The following PGM5 variants were observed in gnomAD, a reference collection of about 807,000 sequenced individuals.
PGM5 encodes phosphoglucomutase-like protein 5.
Under a neutral mutation model 59.2 loss-of-function variants are expected in PGM5, and 23 were observed. The observed-to-expected ratio is 0.39, with a 90% CI of 0.28 to 0.55. The LOEUF (loss-of-function observed/expected upper bound fraction) is 0.55. Ranked by LOEUF, PGM5 falls within the 20% of genes least tolerant of loss-of-function variation. The pLI is 0.66. For missense variants in PGM5, 574 were observed against 748.3 expected (o/e 0.77, Z 2.72); for synonymous variants, 214 against 286.0 (o/e 0.75, Z 2.54).
intron 1 of PGM5, among the ~76,000 whole-genome samples, chr9:68,362,800 A>G (rs1301579872): frequency 3.3e-5 from 5 of 150,428 alleles, no homozygotes; most frequent in African/African-American, 1.2e-4. Flanking sequence ...TTCTTAAATC[A>G]TCTTCAATAT....
At chr9:68,487,925 C>T (rs1287739135) in intron 9 of PGM5, among the ~76,000 whole-genome samples, 1 of 151,862 alleles carries the variant, frequency 6.6e-6, no homozygotes, top group Non-Finnish European at 1.5e-5. Flanking sequence ...AGCTATTCAA[C>T]CCCCCTACAC....
intron 10 of PGM5, among the ~76,000 whole-genome samples, chr9:68,511,710 C>G (rs1194918280): frequency 6.6e-6 from 1 of 151,650 alleles, no homozygotes; most frequent in Non-Finnish European, 1.5e-5. Context: ...GTCACCATGC[C>G]TGGCTAATTT....
At chr9:68,400,956 C>T (rs2778531) in intron 6 of PGM5, among the ~76,000 whole-genome samples, 2,547 of 152,290 alleles carry the variant, frequency 0.017, 34 homozygotes, top group Non-Finnish European at 0.027. Flanking sequence ...ATTTACAAGA[C>T]GCATAAGGTG....
At chr9:68,497,361 T>C (rs1824497847) in intron 9 of PGM5, 1 of 152,220 alleles carries the variant, frequency 6.6e-6, no homozygotes, top group African/African-American at 2.4e-5. Flanking sequence ...GATAATATCA[T>C]CCTGTCTGCA....
intron 1 of PGM5, among the ~76,000 whole-genome samples, chr9:68,376,159 C>T (rs1292775832): frequency 6.6e-6 from 1 of 152,156 alleles, no homozygotes; most frequent in Non-Finnish European, 1.5e-5. Context: ...TTAATAGGAC[C>T]ATTTGGGCTG....
At chr9:68,403,423 C>T (rs1250325110) in intron 6 of PGM5, among the ~76,000 whole-genome samples, 8 of 152,068 alleles carry the variant, frequency 5.3e-5, no homozygotes, top group South Asian at 2.1e-4. Context: ...GGAATGTTCT[C>T]GAATCATCCC....
At chr9:68,459,534 A>G (rs1823827109) in intron 6 of PGM5, among the ~76,000 whole-genome samples, 1 of 152,182 alleles carries the variant, frequency 6.6e-6, no homozygotes, top group African/African-American at 2.4e-5. Context: ...ATCTAATGGC[A>G]GGCAGTTCAT....
At chr9:68,369,417 C>T (rs1190573694) in intron 1 of PGM5, among the ~76,000 whole-genome samples, 3 of 152,176 alleles carry the variant, frequency 2.0e-5, no homozygotes, top group African/African-American at 4.8e-5. Flanking sequence ...TAGCTCTTAT[C>T]CAGCTGGGGT....
At chr9:68,382,793 G>A (rs767040497) in intron 2 of PGM5, among the ~76,000 whole-genome samples, 20 of 151,776 alleles carry the variant, frequency 1.3e-4, no homozygotes, top group Non-Finnish European at 3.0e-4. Context: ...GAAGTTATCA[G>A]CATGGATGGT....
rs371118498 is a variant in PGM5, at chr9:68,465,120, A to G, written c.1071A>G (p.Val357=). The G allele has an allele frequency of 7.1e-5, 115 of 1,611,310 alleles. No individual in the cohort carries two copies. The highest frequency in any genetic ancestry group is 9.4e-5 in the Non-Finnish European group (111 of 1,177,552). ...DRVAKSMKVP[V]YETPAGWRFF... is the part of the protein sequence containing the mutation. ...TGGCCAAATCAATGAAGGTCCCTGTATATGAGACCCCAGCTGGATGGAGAT... is the reference window on the plus strand; with the variant it reads ...TGGCCAAATCAATGAAGGTCCCTGTGTATGAGACCCCAGCTGGATGGAGAT... Residue 357 remains valine (V), a synonymous_variant, in exon 7 of 11, where the codon GTA becomes GTG. Transcript: ENST00000396396.
At chr9:68,496,383 A>G (rs1824482764) in intron 9 of PGM5, among the ~76,000 whole-genome samples, 1 of 152,262 alleles carries the variant, frequency 6.6e-6, no homozygotes, top group South Asian at 2.1e-4. Context: ...GTTGCAGCAC[A>G]GAACTAGGCT....
In PGM5 at chr9:68,483,783, A is replaced by G. The variant is rs369984829; in HGVS notation, c.1296-82A>G. Reference sequence around the variant, plus strand: ...TGTGCTGTCCTTCCCTGGAAACAGAACCAATGATTAAATAACTGTAAGTGG... The same window carrying G: ...TGTGCTGTCCTTCCCTGGAAACAGAGCCAATGATTAAATAACTGTAAGTGG... On this transcript the variant is annotated intron_variant, in intron 8 of 10. Transcript: ENST00000396396. 46 of 1,280,666 alleles carry G rather than the reference A, an allele frequency of 3.6e-5. No individual in the cohort carries two copies. In the East Asian group the frequency reaches 6.1e-4, roughly 17 times the overall value. 79.3% of individuals were successfully genotyped at this position (1,280,666 alleles called of 1,614,324 possible). A position where few individuals can be genotyped will look rare whatever the true frequency, so the allele number is the denominator to read the frequency against.
chr9:68,529,163 TCGTG>T (rs1191583981), intron 10 of PGM5, among the ~76,000 whole-genome samples: 6 of 87,038 alleles, frequency 6.9e-5, no homozygotes, highest in Non-Finnish European at 1.3e-4. Context: ...GCTTTTATTC[TCGTG>T]TGTGTGTGTG....
At chr9:68,494,620 T>C (rs73445691) in intron 9 of PGM5, among the ~76,000 whole-genome samples, 5,698 of 152,280 alleles carry the variant, frequency 0.037, 315 homozygotes, top group African/African-American at 0.12. Context: ...CCCACTGATT[T>C]CAATATGTAG....
intron 6 of PGM5, among the ~76,000 whole-genome samples, chr9:68,392,885 A>G (rs1483834568): frequency 2.1e-4 from 32 of 152,272 alleles, no homozygotes; most frequent in Middle Eastern, 3.4e-3. Flanking sequence ...TAAGTGAGGG[A>G]AAAAAAGCAT....
At chr9:68,368,638 G>GT (rs533125105) in intron 1 of PGM5, among the ~76,000 whole-genome samples, 4,163 of 146,988 alleles carry the variant, frequency 0.028, 27 homozygotes, top group East Asian at 0.12. Context: ...TAGTTTTTAG[G>GT]TTTTTTTTTT....
At chr9:68,414,503 C>T (rs1822988045) in intron 6 of PGM5, among the ~76,000 whole-genome samples, 1 of 152,126 alleles carries the variant, frequency 6.6e-6, no homozygotes, top group Non-Finnish European at 1.5e-5. Context: ...CTGTCAGTCT[C>T]CCCACTGTGA....
intron 3 of PGM5, among the ~76,000 whole-genome samples, chr9:68,385,460 G>C (rs1822193819): frequency 6.6e-6 from 1 of 152,098 alleles, no homozygotes; most frequent in African/African-American, 2.4e-5. Flanking sequence ...ATTGTGTGGG[G>C]GGTCACAGTA....
At chr9:68,428,606 G>A (rs537938506) in intron 6 of PGM5, 29 of 152,308 alleles carry the variant, frequency 1.9e-4, no homozygotes, top group African/African-American at 7.0e-4. Context: ...CCTGTCAGGA[G>A]TATGGAAATA....
Sources: allele counts gnomAD v4.1 joint callset (sites outside exome capture counted in the v4.1 genomes callset), GRCh38; gene constraint gnomAD v4.1.1; transcripts MANE v1.5; gene names NCBI Gene and HGNC (gene_info 2026-07-23, HGNC 2026-07-21).